PTPRK: variants seen among roughly 807,000 people sequenced by gnomAD.
PTPRK encodes the protein receptor-type tyrosine-protein phosphatase kappa.
A neutral mutation model predicts 178.0 loss-of-function variants in PTPRK; 75 were observed. That is an observed-to-expected ratio of 0.42 (90% confidence interval 0.35 to 0.51). The LOEUF (loss-of-function observed/expected upper bound fraction) is 0.51. PTPRK is among the 20% of genes least tolerant of loss of function. PTPRK has a pLI of 0.02. For missense variants in PTPRK, 1,441 were observed against 1,797.8 expected (o/e 0.80, Z 3.59); for synonymous variants, 637 against 620.6 (o/e 1.03, Z -0.39).
intron 1 of PTPRK, among the ~76,000 whole-genome samples, chr6:128,401,429 A>C (rs922870325): frequency 2.0e-5 from 3 of 152,206 alleles, no homozygotes; most frequent in African/African-American, 7.2e-5. Flanking sequence ...ATGAGAGAAC[A>C]CGGAACCAGA....
At chr6:128,016,233 A>G (rs1252854396) in intron 13 of PTPRK, among the ~76,000 whole-genome samples, 2 of 151,904 alleles carry the variant, frequency 1.3e-5, no homozygotes, top group African/African-American at 2.4e-5. Flanking sequence ...TAAGGAAATG[A>G]AGAACTAATG....
intron 24 of PTPRK, 97 bp from the exon 25 acceptor site, chr6:127,981,386 A>AACC: frequency 8.8e-7 from 1 of 1,131,052 alleles, no homozygotes; most frequent in Non-Finnish European, 1.2e-6. Flanking sequence ...GTAGAAAGTG[A>AACC]AGGATTTGTG....
intron 3 of PTPRK, among the ~76,000 whole-genome samples, chr6:128,304,173 A>C (rs764182771): frequency 2.6e-5 from 4 of 152,214 alleles, no homozygotes; most frequent in Non-Finnish European, 4.4e-5. Context: ...CTTTCCACAT[A>C]GTCTTGCCAA....
chr6:128,315,004 G>T (rs1827803907), intron 3 of PTPRK, among the ~76,000 whole-genome samples: 1 of 41,064 alleles, frequency 2.4e-5, no homozygotes, highest in Non-Finnish European at 7.3e-5. Context: ...TTAAATGAAA[G>T]AAAAAAACAA....
intron 5 of PTPRK, among the ~76,000 whole-genome samples, chr6:128,226,493 T>C (rs1490619241): frequency 1.3e-5 from 2 of 151,988 alleles, no homozygotes; most frequent in Non-Finnish European, 2.9e-5. Flanking sequence ...AATAAGATTA[T>C]CCTAGATAGT....
intron 6 of PTPRK, among the ~76,000 whole-genome samples, chr6:128,192,824 G>A (rs1362494224): frequency 2.9e-4 from 43 of 147,066 alleles, no homozygotes; most frequent in Non-Finnish European, 5.1e-4. Context: ...ATCAGAAAAA[G>A]GGAAGGGAAG....
chr6:128,284,785 A>G (rs1181695143), intron 3 of PTPRK, among the ~76,000 whole-genome samples: 2 of 152,232 alleles, frequency 1.3e-5, no homozygotes, highest in East Asian at 3.8e-4. Flanking sequence ...AAATTTCTGT[A>G]GGGCTCTACT....
At chr6:128,136,276 AG>A (rs1795001209) in intron 7 of PTPRK, among the ~76,000 whole-genome samples, 1 of 152,202 alleles carries the variant, frequency 6.6e-6, no homozygotes, top group Non-Finnish European at 1.5e-5. Context: ...ATGGCATCCT[AG>A]GCAGACAAAT....
At chr6:128,461,112 T>G (rs1849000875) in intron 1 of PTPRK, among the ~76,000 whole-genome samples, 1 of 152,200 alleles carries the variant, frequency 6.6e-6, no homozygotes. Flanking sequence ...ATCGAAGTGT[T>G]TCTCTTCAGC....
rs73772030 is a variant in PTPRK, at chr6:128,382,877, C to T, written c.223+14689G>A. 6.8e-3 allele frequency among the ~76,000 whole-genome samples: 1,032 copies of T among 152,272 alleles called. 9 individuals are homozygous for T. The highest frequency in any genetic ancestry group is 0.024 in the African/African-American group (998 of 41,562). On this transcript the variant is annotated intron_variant, in intron 2 of 29. Coordinates refer to ENST00000368226, the MANE Select transcript of PTPRK (RefSeq NM_002844.4). ...AAATTTCAAAACAACTTTTGTACCACTGCTACTGGTTCAGTAAAAGAACTG... is the reference window on the plus strand; with the variant it reads ...AAATTTCAAAACAACTTTTGTACCATTGCTACTGGTTCAGTAAAAGAACTG...
intron 3 of PTPRK, among the ~76,000 whole-genome samples, chr6:128,295,306 C>T (rs1396464051): frequency 1.3e-5 from 2 of 152,012 alleles, no homozygotes; most frequent in Non-Finnish European, 2.9e-5. Flanking sequence ...ACAGATTTGG[C>T]CTGCTGGTGG....
intron 5 of PTPRK, among the ~76,000 whole-genome samples, chr6:128,219,477 T>C (rs1382412879): frequency 6.6e-6 from 1 of 152,190 alleles, no homozygotes; most frequent in Non-Finnish European, 1.5e-5. Flanking sequence ...ACAGCTGATC[T>C]GATAGGAGGC....
intron 7 of PTPRK, among the ~76,000 whole-genome samples, chr6:128,112,086 T>C (rs1790763932): frequency 6.6e-6 from 1 of 152,076 alleles, no homozygotes; most frequent in Admixed American, 6.6e-5. Flanking sequence ...GCAAACTAAA[T>C]CTTGATAAGA....
intron 1 of PTPRK, among the ~76,000 whole-genome samples, chr6:128,488,812 TA>T (rs1365597825): frequency 6.6e-6 from 1 of 152,118 alleles, no homozygotes; most frequent in Non-Finnish European, 1.5e-5. Context: ...CTTTGAAATC[TA>T]AAGGGAATTC....
chr6:128,154,355 G>A (rs956346375), intron 7 of PTPRK, among the ~76,000 whole-genome samples: 2 of 151,640 alleles, frequency 1.3e-5, no homozygotes, highest in African/African-American at 4.8e-5. Context: ...GCAAAATTCA[G>A]TTTTATTGGT....
intron 2 of PTPRK, among the ~76,000 whole-genome samples, chr6:128,323,859 T>C (rs1829183167): frequency 6.6e-6 from 1 of 152,072 alleles, no homozygotes; most frequent in African/African-American, 2.4e-5. Context: ...TCTTTCTTTC[T>C]GAGTCTCACA....
chr6:128,386,485 G>C (rs1248876392), intron 2 of PTPRK, among the ~76,000 whole-genome samples: 4 of 152,168 alleles, frequency 2.6e-5, no homozygotes, highest in Non-Finnish European at 5.9e-5. Context: ...TGACATAAAA[G>C]AGGAAGGAAT....
intron 13 of PTPRK, among the ~76,000 whole-genome samples, chr6:128,050,919 T>A (rs1215679070): frequency 1.3e-5 from 2 of 152,218 alleles, no homozygotes; most frequent in Non-Finnish European, 2.9e-5. Flanking sequence ...GTATGCTAAT[T>A]GTTCTTAGAT....
At chr6:128,024,352 A>T (rs1331877202) in intron 13 of PTPRK, among the ~76,000 whole-genome samples, 1 of 152,214 alleles carries the variant, frequency 6.6e-6, no homozygotes, top group South Asian at 2.1e-4. Context: ...TTGCTATGGC[A>T]TCAACAAACC....
Sources: allele counts gnomAD v4.1 joint callset (sites outside exome capture counted in the v4.1 genomes callset), GRCh38; gene constraint gnomAD v4.1.1; transcripts MANE v1.5; gene names NCBI Gene and HGNC (gene_info 2026-07-23, HGNC 2026-07-21).